The following GOLM1 variants were observed in gnomAD, a reference collection of about 807,000 sequenced individuals.
GOLM1 encodes epididymis luminal protein 46.
In GOLM1, 31 loss-of-function variants were observed where a neutral mutation model predicts 50.5. The ratio of observed to expected loss-of-function variants is 0.61; its 90% CI spans 0.46 to 0.83. The LOEUF (loss-of-function observed/expected upper bound fraction) is 0.83, where lower values mean the gene tolerates loss of function less well. Ranked by LOEUF, GOLM1 falls within the 40% of genes least tolerant of loss-of-function variation. GOLM1 has a pLI of 0.00. For missense variants in GOLM1, 491 were observed against 501.3 expected (o/e 0.98, Z 0.20); for synonymous variants, 178 against 192.8 (o/e 0.92, Z 0.64).
At chr9:86,052,708 G>A in intron 3 of GOLM1, 117 bp from the exon 4 acceptor site, 2 of 851,564 alleles carry the variant, frequency 2.3e-6, no homozygotes, top group Non-Finnish European at 4.0e-6. Context: ...GTCAGGGAAG[G>A]AGCTCGCACT....
At chr9:86,042,377 A>G (rs1833384617) in intron 5 of GOLM1, among the ~76,000 whole-genome samples, 1 of 152,186 alleles carries the variant, frequency 6.6e-6, no homozygotes, top group Admixed American at 6.5e-5. Flanking sequence ...TCCACCACAC[A>G]GCTCACCTTT....
At chr9:86,059,220 T>C (rs1463728785) in intron 3 of GOLM1, among the ~76,000 whole-genome samples, 2 of 151,850 alleles carry the variant, frequency 1.3e-5, no homozygotes, top group African/African-American at 2.4e-5. Flanking sequence ...AGAAGACATA[T>C]CCCCACTGGA....
chr9:86,070,473 G>A (rs1834416727), intron 3 of GOLM1, among the ~76,000 whole-genome samples: 1 of 151,782 alleles, frequency 6.6e-6, no homozygotes, highest in Non-Finnish European at 1.5e-5. Context: ...TTGGGAGGCT[G>A]AGGCAAATAA....
At chr9:86,062,795 G>C (rs1834199758) in intron 3 of GOLM1, among the ~76,000 whole-genome samples, 1 of 152,096 alleles carries the variant, frequency 6.6e-6, no homozygotes, top group Admixed American at 6.5e-5. Context: ...CTGCCCCTGT[G>C]CCTCTAACCT....
chr9:86,082,884 T>A (rs1834828563), intron 1 of GOLM1, among the ~76,000 whole-genome samples: 1 of 152,240 alleles, frequency 6.6e-6, no homozygotes, highest in South Asian at 2.1e-4. Flanking sequence ...TTTATTTTAA[T>A]CCAAACAAGA....
At chr9:86,031,543 C>T (rs1832984932) in intron 9 of GOLM1, among the ~76,000 whole-genome samples, 2 of 144,370 alleles carry the variant, frequency 1.4e-5, no homozygotes, top group South Asian at 4.7e-4. Context: ...CTCACTGCAA[C>T]CTCTGCCTCC....
chr9:86,099,658 G>A (rs1835474820), upstream of GOLM1: 1 of 150,494 alleles, frequency 6.6e-6, no homozygotes, highest in African/African-American at 2.4e-5. Flanking sequence ...GGGCTGCCGG[G>A]GCCGCGCGGA....
upstream of GOLM1, chr9:86,099,599 G>C (rs1835471287): frequency 6.8e-6 from 1 of 148,080 alleles, no homozygotes; most frequent in South Asian, 2.1e-4. Context: ...AGCAGCGCCG[G>C]CGGCGCGAAG....
At chr9:86,039,694 G>A (rs535361122) in intron 6 of GOLM1, among the ~76,000 whole-genome samples, 45 of 152,292 alleles carry the variant, frequency 3.0e-4, no homozygotes, top group Admixed American at 1.4e-3. Context: ...CAGTCCGGGC[G>A]TGGTGGCTCA....
intron 3 of GOLM1, among the ~76,000 whole-genome samples, chr9:86,070,466 G>C (rs1330375928): frequency 6.6e-6 from 1 of 151,844 alleles, no homozygotes; most frequent in African/African-American, 2.4e-5. Flanking sequence ...TAGCTACTTG[G>C]GAGGCTGAGG....
chr9:86,064,126 C>T (rs962435906), intron 3 of GOLM1, among the ~76,000 whole-genome samples: 5 of 152,246 alleles, frequency 3.3e-5, no homozygotes, highest in African/African-American at 1.2e-4. Flanking sequence ...GAGGCACAGT[C>T]TGCAGTGAAG....
rs1833113577 is a variant in GOLM1, at chr9:86,035,768, A to C, written c.758-143T>G. The C allele has an allele frequency of 4.1e-5, 29 of 702,424 alleles. No individual in the cohort carries two copies. The Middle Eastern group carries it at 1.4e-3, about 35-fold the overall frequency. The allele number at this position is 702,424 out of a possible 1,614,324, so 43.5% of individuals were successfully genotyped here. A position where few individuals can be genotyped will look rare whatever the true frequency, so the allele number is the denominator to read the frequency against. On this transcript the variant is annotated intron_variant, in intron 7 of 9. Coordinates refer to ENST00000388712, the MANE Select transcript of GOLM1 (RefSeq NM_016548.4). ...TGGGGTGGGCTGCACACAGGAGAAC[A>C]ACCAGGTAGCTCCTTTTGTGACCTC...
chr9:86,090,469 G>T (rs558067453), intron 1 of GOLM1, among the ~76,000 whole-genome samples: 2 of 152,270 alleles, frequency 1.3e-5, no homozygotes, highest in East Asian at 1.9e-4. Context: ...AGGCAGTCTG[G>T]CCACAGTGGC....
chr9:86,069,318 T>A (rs1834387300), intron 3 of GOLM1, among the ~76,000 whole-genome samples: 1 of 152,208 alleles, frequency 6.6e-6, no homozygotes, highest in Non-Finnish European at 1.5e-5. Flanking sequence ...CGGCTTAATA[T>A]CCTTTCTTAT....
intron 6 of GOLM1, among the ~76,000 whole-genome samples, chr9:86,039,452 T>TA (rs1214042911): frequency 6.6e-6 from 1 of 152,178 alleles, no homozygotes; most frequent in Non-Finnish European, 1.5e-5. Flanking sequence ...TCCTAGGTAT[T>TA]AACCAAGAGA....
intron 3 of GOLM1, among the ~76,000 whole-genome samples, chr9:86,055,385 T>C (rs1833956239): frequency 6.6e-6 from 1 of 152,158 alleles, no homozygotes; most frequent in African/African-American, 2.4e-5. Flanking sequence ...AACAGCTCGC[T>C]CTGCGTGAAA....
chr9:86,079,168 A>AT (rs1563965657), intron 2 of GOLM1, 24 bp downstream of exon 2: 1 of 1,497,688 alleles, frequency 6.7e-7, no homozygotes, highest in South Asian at 1.3e-5. Flanking sequence ...TAAAATAAAC[A>AT]TAACAATAAA....
At chr9:86,041,148 T>G (rs1380461540) in intron 5 of GOLM1, among the ~76,000 whole-genome samples, 1 of 152,048 alleles carries the variant, frequency 6.6e-6, no homozygotes, top group Non-Finnish European at 1.5e-5. Context: ...ATAAAAAAAA[T>G]ATGTATTGGT....
At chr9:86,035,073 A>AGG in intron 8 of GOLM1, 1 of 985,290 alleles carries the variant, frequency 1.0e-6, no homozygotes, top group Non-Finnish European at 1.2e-6. Context: ...GCCTGCCAGG[A>AGG]GGGGGCGTCC....
Sources: allele counts gnomAD v4.1 joint callset (sites outside exome capture counted in the v4.1 genomes callset), GRCh38; gene constraint gnomAD v4.1.1; transcripts MANE v1.5; gene names NCBI Gene and HGNC (gene_info 2026-07-23, HGNC 2026-07-21).